The following OR4E2 variants were observed in gnomAD, a reference collection of about 807,000 sequenced individuals.
OR4E2 encodes the protein olfactory receptor 4E2.
Under a neutral mutation model 11.0 loss-of-function variants are expected in OR4E2, and 9 were observed. The ratio of observed to expected loss-of-function variants is 0.82; its 90% confidence interval spans 0.49 to 1.43. The LOEUF (loss-of-function observed/expected upper bound fraction) is 1.43, where lower values mean the gene tolerates loss of function less well. Ranked by LOEUF, OR4E2 falls within the 40% of genes most tolerant of loss-of-function variation. OR4E2 has a pLI of 0.00. For missense variants in OR4E2, 441 were observed against 382.0 expected (o/e 1.15, Z -1.29); for synonymous variants, 159 against 147.3 (o/e 1.08, Z -0.57).
At chr14:21,663,198 G>T (rs1022386399) in intron 3 of OR4E2, among the ~76,000 whole-genome samples, 2 of 152,056 alleles carry the variant, frequency 1.3e-5, no homozygotes, top group Admixed American at 6.6e-5. Context: ...AAAAATTTTA[G>T]TCTGGGCGCG....
At chr14:21,659,573 T>C (rs1005195333) in intron 2 of OR4E2, among the ~76,000 whole-genome samples, 3 of 152,202 alleles carry the variant, frequency 2.0e-5, no homozygotes, top group African/African-American at 7.2e-5. Flanking sequence ...TGAGTGACCA[T>C]GAGTGAATTA....
rs1466603338 is a variant in OR4E2, at chr14:21,661,664, T to C, written c.-9+918T>C. 6.6e-5 allele frequency among the ~76,000 whole-genome samples: 10 copies of C among 152,376 alleles called. No individual in the cohort carries two copies. In the East Asian group the frequency reaches 1.3e-3, roughly 21 times the overall value. On this transcript the variant is annotated intron_variant, in intron 3 of 3. Coordinates refer to ENST00000641524, the MANE Select transcript of OR4E2 (RefSeq NM_001001912.3). Reference sequence around the variant, plus strand: ...TAAGTGGTTCTAATGTGCAGCCACATTGAGAACCACTGCCTTAGGTTATAC... The same window carrying C: ...TAAGTGGTTCTAATGTGCAGCCACACTGAGAACCACTGCCTTAGGTTATAC...
intron 3 of OR4E2, among the ~76,000 whole-genome samples, chr14:21,663,344 G>C (rs1319602995): frequency 6.6e-6 from 1 of 152,120 alleles, no homozygotes; most frequent in Non-Finnish European, 1.5e-5. Flanking sequence ...GCTGGGTGTG[G>C]TGGTGGGAGC....
chr14:21,656,657 T>A (rs1237468399), intron 2 of OR4E2, 68 bp downstream of exon 2: 4 of 152,220 alleles, frequency 2.6e-5, no homozygotes, highest in Admixed American at 6.5e-5. Context: ...TGCTCATATG[T>A]ACATTACGTA....
At position 21,665,159 on chromosome 14, in the gene OR4E2, T is replaced by A; in HGVS notation, c.77T>A (p.Leu26Gln). ...ACTGATAACCGGGTGCTGGAAATGC[T>A]GTTTTTCATGGCATTCTCAGCCATT... ...GLTDNRVLEM[L>Q]FFMAFSAIYM... The change falls in exon 4 of 4, where the codon CTG (leucine) becomes CAG (glutamine). Residue 26 changes from leucine to glutamine, a missense_variant. Coordinates refer to ENST00000641524, the MANE Select transcript of OR4E2 (RefSeq NM_001001912.3). The A allele has an allele frequency of 6.2e-7, 1 of 1,614,048 alleles. No individual in the cohort carries two copies. The highest frequency in any genetic ancestry group is 1.7e-5 in the Admixed American group (1 of 60,030).
rs775180872 is a variant in OR4E2 at position 21,665,287 on chromosome 14, A to G, written c.205A>G (p.Ile69Val). The change falls in exon 4 of 4, where the codon ATT becomes GTT. Residue 69 changes from isoleucine to valine, a missense_variant. Transcript: ENST00000641524. ...TTTCTTCCTGAGCAATCTGTCCTTT[A>G]TTGACATCTGCCACTCATCTGTCAC... ...MYFFLSNLSF[I>V]DICHSSVTVP... is the part of the protein sequence containing the mutation. 2.2e-5 allele frequency: 36 copies of G among 1,614,034 alleles called. No individual in the cohort carries two copies. The highest frequency in any genetic ancestry group is 2.9e-5 in the Non-Finnish European group (34 of 1,179,958).
intron 2 of OR4E2, among the ~76,000 whole-genome samples, chr14:21,658,127 G>A (rs535515140): frequency 6.6e-6 from 1 of 152,324 alleles, no homozygotes; most frequent in East Asian, 1.9e-4. Context: ...GCTCTCTGCA[G>A]CCAACTATTG....
At chr14:21,657,436 TTTCTTTCCTTCCTTCCTTCC>T (rs1190412066) in intron 2 of OR4E2, among the ~76,000 whole-genome samples, 13 of 97,052 alleles carry the variant, frequency 1.3e-4, no homozygotes, top group African/African-American at 5.2e-4. Context: ...TTCTTTCTTC[TTTCTTTCCTTCCTTCCTTCC>T]TTCCTTCCTT....
intron 3 of OR4E2, 92 bp downstream of exon 3, chr14:21,660,838 G>C (rs1158453178): frequency 6.6e-6 from 1 of 152,032 alleles, no homozygotes; most frequent in African/African-American, 2.4e-5. Flanking sequence ...TTAATAGTGA[G>C]AAATTAGAAA....
chr14:21,657,668 G>C (rs1880086100), intron 2 of OR4E2, among the ~76,000 whole-genome samples: 1 of 149,934 alleles, frequency 6.7e-6, no homozygotes, highest in Non-Finnish European at 1.5e-5. Flanking sequence ...CCAGCTCACT[G>C]CAACCCCTAC....
chr14:21,662,318 A>G (rs1270274913), intron 3 of OR4E2, among the ~76,000 whole-genome samples: 2 of 151,872 alleles, frequency 1.3e-5, no homozygotes, highest in African/African-American at 4.8e-5. Context: ...TTTTTTTCAG[A>G]CGGAGTCTTG....
chr14:21,665,535 G>A lies in OR4E2; in HGVS notation c.453G>A (p.Gly151=), dbSNP rs866571909. ...CIQLVFALWL[G]GTVHSLGQTF... ...AGCTTGTCTTTGCTCTCTGGTTGGGGGGTACTGTTCACTCACTAGGGCAGA... is the reference window on the plus strand; with the variant it reads ...AGCTTGTCTTTGCTCTCTGGTTGGGAGGTACTGTTCACTCACTAGGGCAGA... Residue 151 remains glycine, a synonymous_variant, in exon 4 of 4, where the codon GGG becomes GGA. Transcript: ENST00000641524. 5 of 1,614,072 alleles carry A rather than the reference G, an allele frequency of 3.1e-6. No individual in the cohort carries two copies. The Middle Eastern group carries it at 6.6e-4, about 213-fold the overall frequency.
intron 1 of OR4E2, among the ~76,000 whole-genome samples, chr14:21,654,193 G>C (rs190512107): frequency 3.9e-5 from 6 of 152,222 alleles, no homozygotes; most frequent in Admixed American, 3.9e-4. Context: ...CTGAGGTGAG[G>C]AGAAAGGAGA....
Position 21,665,969 on chromosome 14 carries a change from G to C in OR4E2, c.887G>C (p.Ser296Thr), listed in dbSNP as rs760741644. 1 of 1,614,098 alleles carries C rather than the reference G, an allele frequency of 6.2e-7. No homozygotes were observed. Among genetic ancestry groups the C allele is most frequent in the Non-Finnish European group, 8.5e-7 (1 of 1,180,012 alleles). Residue 296 changes from serine to threonine, a missense_variant, in exon 4 of 4, where the codon AGT becomes ACT. By Grantham distance (58) the Ser-to-Thr change is moderately conservative (BLOSUM62 1). Coordinates refer to ENST00000641524, the MANE Select transcript of OR4E2 (RefSeq NM_001001912.3). The stretch of plus-strand genomic sequence containing the variant: ...ACCTTGAGGAATGAGGAGGTAAAAA[G>C]TGCCATGAAGCAGCTCAGGCAGAGA... ...IYTLRNEEVK[S>T]AMKQLRQRQV...
At chr14:21,657,371 T>TTCCTTCCC (rs1880012445) in intron 2 of OR4E2, among the ~76,000 whole-genome samples, 1 of 147,082 alleles carries the variant, frequency 6.8e-6, no homozygotes, top group Non-Finnish European at 1.5e-5. Flanking sequence ...CCTTCCTTCC[T>TTCCTTCCC]TCCTTCCTTC....
intron 2 of OR4E2, among the ~76,000 whole-genome samples, chr14:21,658,885 G>T (rs1368178163): frequency 5.3e-5 from 8 of 151,968 alleles, no homozygotes; most frequent in Non-Finnish European, 1.0e-4. Context: ...GGATTCTGGT[G>T]CTTTTAGCTC....
chr14:21,662,259 C>CT (rs200990735), intron 3 of OR4E2, among the ~76,000 whole-genome samples: 220 of 151,514 alleles, frequency 1.5e-3, no homozygotes, highest in African/African-American at 5.0e-3. Flanking sequence ...TCACGTCTAC[C>CT]TTTTTTTTGA....
intron 3 of OR4E2, among the ~76,000 whole-genome samples, chr14:21,661,345 T>C (rs1308413983): frequency 6.6e-6 from 1 of 152,264 alleles, no homozygotes; most frequent in Non-Finnish European, 1.5e-5. Context: ...TGCGTAAATA[T>C]ATATGCATAC....
intron 2 of OR4E2, among the ~76,000 whole-genome samples, chr14:21,657,337 GCTTCCTTCCTTCCTTCCTTC>G (rs544921356): frequency 2.6e-4 from 29 of 112,398 alleles, no homozygotes; most frequent in Admixed American, 3.6e-4. Context: ...GATGTTAAAT[GCTTCCTTCCTTCCTTCCTTC>G]CTTCCTTCCT....
Sources: gnomAD v4.1 joint callset for allele counts (sites outside exome capture counted in the v4.1 genomes callset) on GRCh38, gnomAD v4.1.1 for gene constraint, MANE v1.5 for transcripts, NCBI Gene and HGNC (gene_info 2026-07-23, HGNC 2026-07-21) for gene names.